FCHSD2: variants seen among roughly 807,000 people sequenced by gnomAD.
The protein encoded by FCHSD2 is FCH and double SH3 domains 2.
Under a neutral mutation model 108.1 loss-of-function variants are expected in FCHSD2, and 38 were observed. The ratio of observed to expected loss-of-function variants is 0.35; its 90% confidence interval spans 0.27 to 0.46. The LOEUF (loss-of-function observed/expected upper bound fraction) is 0.46. Among genes scored for constraint, FCHSD2 ranks in the 20% least tolerant of loss-of-function variants. The pLI is 1.00. For synonymous variants in FCHSD2, 279 were observed against 314.7 expected, an observed-to-expected ratio of 0.89 and a Z score of 1.20; for missense variants, 751 against 897.8, an observed-to-expected ratio of 0.84 and a Z score of 2.09.
intron 10 of FCHSD2, among the ~76,000 whole-genome samples, chr11:72,890,671 AC>A (rs1017393968): frequency 6.6e-6 from 1 of 151,650 alleles, no homozygotes; most frequent in African/African-American, 2.4e-5. Context: ...GCTTCATATA[AC>A]TTTTTTTTTT....
chr11:72,907,396 A>G (rs1357230227), intron 9 of FCHSD2, among the ~76,000 whole-genome samples: 2 of 152,168 alleles, frequency 1.3e-5, no homozygotes, highest in African/African-American at 2.4e-5. Flanking sequence ...GAGAGAGAGC[A>G]TCCTTATCTT....
At chr11:72,894,380 TA>T (rs561054838) in intron 10 of FCHSD2, among the ~76,000 whole-genome samples, 8 of 151,822 alleles carry the variant, frequency 5.3e-5, no homozygotes, top group East Asian at 1.9e-4. Flanking sequence ...CCCCAGCTCT[TA>T]AAAAAAATTA....
intron 5 of FCHSD2, among the ~76,000 whole-genome samples, chr11:72,998,432 C>T (rs1177748332): frequency 6.6e-6 from 1 of 152,058 alleles, no homozygotes; most frequent in Admixed American, 6.5e-5. Context: ...ATCCCAGCCA[C>T]TCAGGAGACT....
At chr11:73,025,117 A>T (rs1240778978) in intron 3 of FCHSD2, among the ~76,000 whole-genome samples, 2 of 152,234 alleles carry the variant, frequency 1.3e-5, no homozygotes, top group African/African-American at 4.8e-5. Flanking sequence ...ATACCATTCA[A>T]GCCATCAATC....
At chr11:72,884,736 G>C (rs1855162510) in intron 12 of FCHSD2, among the ~76,000 whole-genome samples, 1 of 151,906 alleles carries the variant, frequency 6.6e-6, no homozygotes, top group African/African-American at 2.4e-5. Context: ...TGAGACTACA[G>C]GCACATGTTA....
At chr11:73,027,966 A>G (rs185981405) in intron 3 of FCHSD2, among the ~76,000 whole-genome samples, 161 of 152,350 alleles carry the variant, frequency 1.1e-3, no homozygotes, top group Middle Eastern at 6.8e-3. Context: ...ACCTCTGCCT[A>G]GATTTCAGAG....
chr11:73,140,957 G>C (rs1861231833), intron 1 of FCHSD2, among the ~76,000 whole-genome samples: 1 of 152,264 alleles, frequency 6.6e-6, no homozygotes, highest in Admixed American at 6.5e-5. Flanking sequence ...GATTAGGAAA[G>C]AGAGAAAGCA....
chr11:73,070,246 C>T (rs1049254169), intron 3 of FCHSD2, among the ~76,000 whole-genome samples: 5 of 152,120 alleles, frequency 3.3e-5, no homozygotes, highest in Non-Finnish European at 7.4e-5. Flanking sequence ...CTATTTCTAA[C>T]AAGCCTCTTA....
At chr11:73,129,096 C>A (rs1860929439) in intron 2 of FCHSD2, among the ~76,000 whole-genome samples, 3 of 152,300 alleles carry the variant, frequency 2.0e-5, no homozygotes, top group African/African-American at 7.2e-5. Context: ...TGGTCTCGAT[C>A]TCCTGACTTC....
At chr11:72,870,899 C>CAAAAAACAAA (rs1854842101) in intron 12 of FCHSD2, among the ~76,000 whole-genome samples, 1 of 77,018 alleles carries the variant, frequency 1.3e-5, no homozygotes, top group Non-Finnish European at 2.3e-5. Flanking sequence ...GACTCCGTCT[C>CAAAAAACAAA]AAAAAAAAAA....
At chr11:72,839,991 G>A (rs1463255163) in intron 19 of FCHSD2, among the ~76,000 whole-genome samples, 1 of 152,136 alleles carries the variant, frequency 6.6e-6, no homozygotes, top group East Asian at 1.9e-4. Context: ...GAAAGCAAAC[G>A]AGGCAAATGT....
chr11:72,940,843 C>A, intron 8 of FCHSD2: 3 of 911,194 alleles, frequency 3.3e-6, no homozygotes, highest in Non-Finnish European at 5.4e-6. Context: ...TCTTAGAGTC[C>A]TGAATTCTTA....
intron 9 of FCHSD2, among the ~76,000 whole-genome samples, chr11:72,914,162 G>A (rs1019478585): frequency 1.3e-5 from 2 of 152,032 alleles, no homozygotes; most frequent in Admixed American, 6.6e-5. Flanking sequence ...CTACAGACAT[G>A]TGCCACCACT....
At chr11:73,087,526 G>A (rs1015613969) in intron 2 of FCHSD2, among the ~76,000 whole-genome samples, 4 of 151,924 alleles carry the variant, frequency 2.6e-5, no homozygotes, top group Admixed American at 1.3e-4. Context: ...CCAACATGGT[G>A]AAACCCCATC....
intron 2 of FCHSD2, among the ~76,000 whole-genome samples, chr11:73,136,429 T>A (rs770749564): frequency 1.3e-5 from 2 of 150,390 alleles, no homozygotes; most frequent in Non-Finnish European, 3.0e-5. Context: ...GCACCTGGAG[T>A]CTCAGCTACC....
intron 13 of FCHSD2, among the ~76,000 whole-genome samples, chr11:72,855,279 AAAACAAAC>A (rs201512091): frequency 1.1e-3 from 163 of 151,098 alleles, no homozygotes; most frequent in East Asian, 6.6e-3. Context: ...CTCCGTCTCA[AAAACAAAC>A]AAACAAACAA....
At chr11:72,880,201 A>C (rs1391182347) in intron 12 of FCHSD2, among the ~76,000 whole-genome samples, 1 of 152,156 alleles carries the variant, frequency 6.6e-6, no homozygotes, top group African/African-American at 2.4e-5. Flanking sequence ...GAAATTGAAG[A>C]GGACAAAAAC....
Position 72,935,918 on chromosome 11 carries a change from C to A in FCHSD2, c.706-13968G>T, listed in dbSNP as rs1591413450. On this transcript the variant is annotated intron_variant, in intron 8 of 19. Transcript: ENST00000409418. ...ATCCTCTTGCATTACTACTAGCATG[C>A]AAGATAAGTCAGATGTCTGAAAAAG... Among the ~76,000 whole-genome samples the A allele has an allele frequency of 2.0e-5, 3 of 152,318 alleles. No individual in the cohort carries two copies. In the South Asian group the frequency reaches 6.2e-4, roughly 32 times the overall value.
intron 3 of FCHSD2, among the ~76,000 whole-genome samples, chr11:73,080,492 T>C (rs1438557879): frequency 1.3e-5 from 2 of 152,036 alleles, no homozygotes; most frequent in South Asian, 4.1e-4. Flanking sequence ...AAATATATCA[T>C]TTAGAGTTAC....
Sources: gnomAD v4.1 joint callset for allele counts (sites outside exome capture counted in the v4.1 genomes callset) on GRCh38, gnomAD v4.1.1 for gene constraint, MANE v1.5 for transcripts, NCBI Gene and HGNC (gene_info 2026-07-23, HGNC 2026-07-21) for gene names.